Variants in RFX3 observed in about 807,000 individuals in gnomAD.
The protein encoded by RFX3 is regulatory factor X3, also known as transcription factor RFX3.
Under a neutral mutation model 98.6 loss-of-function variants are expected in RFX3, and 14 were observed. The ratio of observed to expected loss-of-function variants is 0.14; its 90% CI spans 0.09 to 0.22. The LOEUF (loss-of-function observed/expected upper bound fraction) is 0.22. Among genes scored for constraint, RFX3 ranks in the 10% least tolerant of loss-of-function variants. The pLI, the probability that RFX3 is intolerant of heterozygous loss-of-function variation, is 1.00. For synonymous variants in RFX3, 383 were observed against 328.4 expected (o/e 1.17, Z -1.80); for missense variants, 639 against 926.9 (o/e 0.69, Z 4.03).
chr9:3,229,177 G>A (rs1212453214), intron 15 of RFX3, among the ~76,000 whole-genome samples: 1 of 152,124 alleles, frequency 6.6e-6, no homozygotes, highest in Non-Finnish European at 1.5e-5. Context: ...CAGCAATGAA[G>A]AAATAGGAGC....
At chr9:3,330,548 T>C (rs368290323) in intron 3 of RFX3, 31 bp from the exon 4 acceptor site, 13 of 1,569,542 alleles carry the variant, frequency 8.3e-6, no homozygotes, top group East Asian at 4.5e-5. Flanking sequence ...AGAAATTTAC[T>C]AGCTTATTTA....
intron 1 of RFX3, among the ~76,000 whole-genome samples, chr9:3,419,399 A>C (rs979926313): frequency 3.3e-5 from 5 of 152,222 alleles, no homozygotes; most frequent in Non-Finnish European, 7.3e-5. Flanking sequence ...TAAAACAAGT[A>C]TATTTTTTAC....
At chr9:3,375,874 C>T (rs536160279) in intron 2 of RFX3, among the ~76,000 whole-genome samples, 15 of 152,008 alleles carry the variant, frequency 9.9e-5, no homozygotes, top group African/African-American at 2.2e-4. Flanking sequence ...GCAGGTGAAT[C>T]GCTTGAACCC....
Position 3,465,272 on chromosome 9 carries a change from C to A in RFX3, c.-9+60475G>T, listed in dbSNP as rs1848099919. On this transcript the variant is annotated intron_variant, in intron 1 of 16. Coordinates refer to ENST00000617270, the MANE Select transcript of RFX3 (RefSeq NM_001282116.2). ...ATCTCGTGGCAAATATAAACCATTTCTTATATGTTAACCTGTTTTGCTTTT... is the reference window on the plus strand; with the variant it reads ...ATCTCGTGGCAAATATAAACCATTTATTATATGTTAACCTGTTTTGCTTTT... 2.0e-5 allele frequency among the ~76,000 whole-genome samples: 3 copies of A among 151,980 alleles called. No individual in the cohort carries two copies. The South Asian group carries it at 6.2e-4, about 32-fold the overall frequency.
chr9:3,288,546 T>C (rs1826936714), intron 6 of RFX3, among the ~76,000 whole-genome samples: 1 of 152,062 alleles, frequency 6.6e-6, no homozygotes, highest in South Asian at 2.1e-4. Flanking sequence ...TTACATTCCA[T>C]TTTCAAATTT....
chr9:3,359,246 G>T (rs1045340373), intron 2 of RFX3, among the ~76,000 whole-genome samples: 3 of 152,046 alleles, frequency 2.0e-5, no homozygotes, highest in Non-Finnish European at 2.9e-5. Flanking sequence ...AAAAGCGAAA[G>T]TATCTTATGT....
chr9:3,494,094 T>C (rs932096412), intron 1 of RFX3, among the ~76,000 whole-genome samples: 3 of 152,250 alleles, frequency 2.0e-5, no homozygotes, highest in African/African-American at 7.2e-5. Flanking sequence ...ACAGAAGATA[T>C]CACGTATCTT....
intron 2 of RFX3, chr9:3,394,709 C>T: frequency 4.0e-6 from 2 of 503,134 alleles, no homozygotes; most frequent in Non-Finnish European, 5.1e-6. Flanking sequence ...CTCTTTAATA[C>T]TAAGAAATTA....
At chr9:3,376,653 C>G (rs35945655) in intron 2 of RFX3, among the ~76,000 whole-genome samples, 29,306 of 151,558 alleles carry the variant, frequency 0.19, 4,990 homozygotes, top group African/African-American at 0.46. Context: ...AGAGTGAACA[C>G]GCAACCTACA....
chr9:3,411,334 T>C (rs1239617794), intron 1 of RFX3, among the ~76,000 whole-genome samples: 3 of 152,084 alleles, frequency 2.0e-5, no homozygotes, highest in East Asian at 3.9e-4. Context: ...TCCCCCTTTC[T>C]CCCTTGCTCC....
intron 2 of RFX3, among the ~76,000 whole-genome samples, chr9:3,376,022 G>C (rs1838443150): frequency 6.6e-6 from 1 of 151,990 alleles, no homozygotes; most frequent in Non-Finnish European, 1.5e-5. Context: ...AGAAAGGGAA[G>C]AATAGTAAGC....
At chr9:3,294,970 TA>T (rs1303941408) in intron 5 of RFX3, among the ~76,000 whole-genome samples, 1 of 152,074 alleles carries the variant, frequency 6.6e-6, no homozygotes, top group Non-Finnish European at 1.5e-5. Flanking sequence ...TACAATGACA[TA>T]AAAGTATTAC....
chr9:3,517,943 A>G (rs777562361), intron 1 of RFX3, among the ~76,000 whole-genome samples: 1 of 152,194 alleles, frequency 6.6e-6, no homozygotes, highest in Admixed American at 6.5e-5. Flanking sequence ...GAGCTCAAAA[A>G]TTCCTATAGC....
chr9:3,516,038 T>C (rs1182965461), intron 1 of RFX3, among the ~76,000 whole-genome samples: 1 of 151,996 alleles, frequency 6.6e-6, no homozygotes, highest in Non-Finnish European at 1.5e-5. Flanking sequence ...CAAAGTAGTA[T>C]TAAAGTAAAA....
At chr9:3,477,936 G>C (rs971577015) in intron 1 of RFX3, among the ~76,000 whole-genome samples, 12 of 151,990 alleles carry the variant, frequency 7.9e-5, no homozygotes, top group Admixed American at 6.6e-4. Flanking sequence ...AGCTCCTCTA[G>C]TGAATTTTTC....
chr9:3,305,255 G>A (rs565284847), intron 4 of RFX3, among the ~76,000 whole-genome samples: 1 of 152,066 alleles, frequency 6.6e-6, no homozygotes, highest in African/African-American at 2.4e-5. Context: ...AAAATAGGTT[G>A]GAAGTAGATA....
At position 3,257,043 on chromosome 9, in the gene RFX3, G is replaced by A. The variant is rs754077544; in HGVS notation, c.1762C>T (p.Pro588Ser). Reference protein sequence around the residue: ...MQALKPYEGRPSFPKAARQFL... With the variant: ...MQALKPYEGRSSFPKAARQFL... ...TGCCTGGCGGCTTTAGGAAAACTGG[G>A]TCTTCCTTCATAGGGTTTCAGTGCT... Residue 588 changes from proline to serine, a missense_variant, in exon 14 of 17, where the codon CCC becomes TCC. Transcript: ENST00000617270. 1.2e-6 allele frequency: 2 copies of A among 1,614,032 alleles called. No homozygotes were observed. Among genetic ancestry groups the A allele is most frequent in the East Asian group, 2.2e-5 (1 of 44,872 alleles).
At chr9:3,458,950 C>G (rs574941677) in intron 1 of RFX3, among the ~76,000 whole-genome samples, 51 of 152,236 alleles carry the variant, frequency 3.4e-4, no homozygotes, top group African/African-American at 1.2e-3. Flanking sequence ...TGAAAACATT[C>G]CTGCATTGCC....
At chr9:3,298,980 C>A (rs542359855) in intron 5 of RFX3, among the ~76,000 whole-genome samples, 2 of 151,740 alleles carry the variant, frequency 1.3e-5, no homozygotes, top group South Asian at 4.2e-4. Context: ...AATGTTTTTA[C>A]ATAATAAAAT....
Sources: gnomAD v4.1 joint callset for allele counts (sites outside exome capture counted in the v4.1 genomes callset) on GRCh38, gnomAD v4.1.1 for gene constraint, MANE v1.5 for transcripts, NCBI Gene and HGNC (gene_info 2026-07-23, HGNC 2026-07-21) for gene names.